The following LARGE1 variants were observed in gnomAD, a reference collection of about 807,000 sequenced individuals.
The protein encoded by LARGE1 is xylosyl- and glucuronyltransferase LARGE1.
A neutral mutation model predicts 87.6 loss-of-function variants in LARGE1; 43 were observed. The observed-to-expected ratio is 0.49, with a 90% CI of 0.38 to 0.63. The LOEUF (loss-of-function observed/expected upper bound fraction) is 0.63, where lower values mean the gene tolerates loss of function less well. LARGE1 is among the 30% of genes least tolerant of loss of function. The pLI, the probability that LARGE1 is intolerant of heterozygous loss-of-function variation, is 0.00. For missense variants in LARGE1, 802 were observed against 1,000.2 expected (o/e 0.80, Z 2.67); for synonymous variants, 434 against 394.6 (o/e 1.10, Z -1.18).
chr22:33,741,977 C>T (rs558400208), intron 2 of LARGE1, among the ~76,000 whole-genome samples: 2 of 152,292 alleles, frequency 1.3e-5, no homozygotes, highest in South Asian at 4.1e-4. Flanking sequence ...CAAATGAGAA[C>T]GTACCAGTTG....
chr22:33,206,917 C>T (rs889280420), intron 11 of LARGE1, among the ~76,000 whole-genome samples: 13 of 152,198 alleles, frequency 8.5e-5, no homozygotes, highest in African/African-American at 2.9e-4. Context: ...ATGTCCAGCC[C>T]AGTTAGTCCA....
chr22:33,240,861 T>G (rs975649178), intron 11 of LARGE1, among the ~76,000 whole-genome samples: 2 of 152,172 alleles, frequency 1.3e-5, no homozygotes, highest in African/African-American at 4.8e-5. Context: ...GAGCCCCTTA[T>G]GCTCTTCATT....
At chr22:33,104,889 C>CTTTCTTTCTT in the LARGE1 span, among the ~76,000 whole-genome samples, 3,272 of 89,186 alleles carry the variant, frequency 0.037, 88 homozygotes, top group Non-Finnish European at 0.056. Flanking sequence ...GACTTTCTCT[C>CTTTCTTTCTT]TCTTTCTTTC....
At chr22:33,260,038 A>G (rs1927537514) in intron 11 of LARGE1, among the ~76,000 whole-genome samples, 1 of 152,178 alleles carries the variant, frequency 6.6e-6, no homozygotes, top group Non-Finnish European at 1.5e-5. Flanking sequence ...CTTGCTATAA[A>G]CATACCAGGT....
chr22:33,829,012 T>C lies in LARGE1; in HGVS notation c.-82-67454A>G, dbSNP rs866189724. Among the ~76,000 whole-genome samples, 39 of 139,716 alleles carry C rather than the reference T, an allele frequency of 2.8e-4. No homozygotes were observed. In the East Asian group the frequency reaches 3.5e-3, roughly 13 times the overall value. The allele number at this position is 139,716 out of a possible 152,430, so 91.7% of individuals were successfully genotyped here. On this transcript the variant is annotated intron_variant, in intron 1 of 14. Transcript: ENST00000397394. The stretch of plus-strand genomic sequence containing the variant: ...CTTTGTGAAGTCTCTTTTTCTTTTT[T>C]TTTTTTTTTTTTTTTTGAGAGAGTC...
At chr22:33,733,396 G>A (rs1275675600) in intron 2 of LARGE1, 2 of 152,098 alleles carry the variant, frequency 1.3e-5, no homozygotes, top group African/African-American at 2.4e-5. Context: ...CAACACACTC[G>A]GCAGCTCAAA....
chr22:33,066,862 C>A, the LARGE1 span, among the ~76,000 whole-genome samples: 1 of 152,248 alleles, frequency 6.6e-6, no homozygotes, highest in East Asian at 1.9e-4. Context: ...AACTTGCCAT[C>A]GGCAAGAACA....
chr22:33,317,867 C>T (rs548208607), intron 10 of LARGE1, among the ~76,000 whole-genome samples: 91 of 152,164 alleles, frequency 6.0e-4, no homozygotes, highest in Middle Eastern at 3.4e-3. Flanking sequence ...GTGACAGAAA[C>T]CCGCTCCACC....
chr22:33,625,296 T>A (rs1391854231), intron 4 of LARGE1, among the ~76,000 whole-genome samples: 1 of 152,070 alleles, frequency 6.6e-6, no homozygotes, highest in African/African-American at 2.4e-5. Context: ...TATGTCTAGA[T>A]GCCAATCAAA....
chr22:33,519,936 C>T (rs917254632), intron 6 of LARGE1, among the ~76,000 whole-genome samples: 5 of 151,516 alleles, frequency 3.3e-5, no homozygotes, highest in African/African-American at 4.8e-5. Context: ...GTTTGTACTC[C>T]CTGGCTTCCT....
Position 33,390,802 on chromosome 22 carries a change from T to G in LARGE1, c.893-6498A>C, listed in dbSNP as rs2065490511. On this transcript the variant is annotated intron_variant, in intron 7 of 14. Transcript: ENST00000397394. Reference sequence around the variant, plus strand: ...TCCGCCTCCCAGGTTTAAGCCATTCTTGTGCCTCAGCCTCCTGAGTAAGTA... The same window carrying G: ...TCCGCCTCCCAGGTTTAAGCCATTCGTGTGCCTCAGCCTCCTGAGTAAGTA... Among the ~76,000 whole-genome samples, 4 of 151,962 alleles carry G rather than the reference T, an allele frequency of 2.6e-5. No individual in the cohort carries two copies. The South Asian group carries it at 8.3e-4, about 32-fold the overall frequency.
chr22:33,750,365 T>A (rs1005080311), intron 2 of LARGE1, among the ~76,000 whole-genome samples: 1 of 152,212 alleles, frequency 6.6e-6, no homozygotes, highest in African/African-American at 2.4e-5. Context: ...TGACTTCTTA[T>A]GTGCAATCTC....
chr22:33,466,816 A>AT (rs1191544201), intron 6 of LARGE1, among the ~76,000 whole-genome samples: 2 of 152,056 alleles, frequency 1.3e-5, no homozygotes, highest in Non-Finnish European at 2.9e-5. Flanking sequence ...AGGAGGATGG[A>AT]TCCCCCAAGG....
chr22:33,330,112 T>C (rs1937566578), intron 10 of LARGE1, among the ~76,000 whole-genome samples: 1 of 152,150 alleles, frequency 6.6e-6, no homozygotes, highest in Admixed American at 6.5e-5. Context: ...TAGAACAATT[T>C]AGCATCTGGA....
At chr22:33,154,294 G>T in the LARGE1 span, among the ~76,000 whole-genome samples, 1 of 152,128 alleles carries the variant, frequency 6.6e-6, no homozygotes, top group Non-Finnish European at 1.5e-5. Flanking sequence ...AGGTTGGAGT[G>T]CAGTGGCATG....
intron 2 of LARGE1, among the ~76,000 whole-genome samples, chr22:33,699,004 G>A (rs576021841): frequency 3.1e-4 from 47 of 152,164 alleles, no homozygotes; most frequent in Non-Finnish European, 6.8e-4. Context: ...AAGAGTGAAC[G>A]AATGCCTGCC....
chr22:33,458,474 C>A (rs1406886400), intron 6 of LARGE1, among the ~76,000 whole-genome samples: 1 of 151,742 alleles, frequency 6.6e-6, no homozygotes, highest in Non-Finnish European at 1.5e-5. Context: ...TCTTGTTGCT[C>A]AGGCTGGAGT....
intron 7 of LARGE1, among the ~76,000 whole-genome samples, chr22:33,404,473 A>G (rs1333105727): frequency 6.6e-6 from 1 of 152,238 alleles, no homozygotes; most frequent in Non-Finnish European, 1.5e-5. Flanking sequence ...TACCTAATAG[A>G]AAGTGGCTCT....
At chr22:33,440,944 C>T (rs1196546398) in intron 6 of LARGE1, among the ~76,000 whole-genome samples, 1 of 151,932 alleles carries the variant, frequency 6.6e-6, no homozygotes, top group Admixed American at 6.6e-5. Context: ...CAAGGGCGAG[C>T]GGTGTTTATA....
Sources: allele counts gnomAD v4.1 joint callset (sites outside exome capture counted in the v4.1 genomes callset), GRCh38; gene constraint gnomAD v4.1.1; transcripts MANE v1.5; gene names NCBI Gene and HGNC (gene_info 2026-07-23, HGNC 2026-07-21).